The following TMEM132C variants were observed in gnomAD, a reference collection of about 807,000 sequenced individuals.
TMEM132C encodes protein phosphatase 1, regulatory subunit 152.
TMEM132C carries 29 observed loss-of-function variants against 61.4 expected under a neutral mutation model. The ratio of observed to expected loss-of-function variants is 0.47; its 90% CI spans 0.35 to 0.64. The LOEUF (loss-of-function observed/expected upper bound fraction) is 0.64. Ranked by LOEUF, TMEM132C falls within the 30% of genes least tolerant of loss-of-function variation. The pLI is 0.00. For missense variants in TMEM132C, 1,408 were observed against 1,476.9 expected (o/e 0.95, Z 0.76); for synonymous variants, 656 against 633.1 (o/e 1.04, Z -0.54).
At chr12:128,565,307 G>A (rs903433781) in intron 3 of TMEM132C, among the ~76,000 whole-genome samples, 3 of 152,162 alleles carry the variant, frequency 2.0e-5, no homozygotes, top group Non-Finnish European at 2.9e-5. Context: ...CCTACCACCT[G>A]GATTTCAGCC....
chr12:128,696,188 G>A, intron 7 of TMEM132C, 85 bp downstream of exon 7: 2 of 1,471,954 alleles, frequency 1.4e-6, no homozygotes, highest in Admixed American at 4.4e-5. Context: ...AGATCACTGT[G>A]GCCGATTCCC....
chr12:128,542,616 C>G, intron 2 of TMEM132C, among the ~76,000 whole-genome samples: 1 of 152,120 alleles, frequency 6.6e-6, no homozygotes, highest in Non-Finnish European at 1.5e-5. Flanking sequence ...AATCCCAGCA[C>G]TTTAGGAGGC....
At chr12:128,428,735 T>G (rs1869281240) in intron 2 of TMEM132C, among the ~76,000 whole-genome samples, 1 of 152,106 alleles carries the variant, frequency 6.6e-6, no homozygotes, top group Admixed American at 6.6e-5. Context: ...GGCTGTAAAT[T>G]CAGAGATGGA....
intron 2 of TMEM132C, among the ~76,000 whole-genome samples, chr12:128,526,340 C>T (rs1185269950): frequency 6.6e-6 from 1 of 152,118 alleles, no homozygotes; most frequent in Non-Finnish European, 1.5e-5. Context: ...GTGAAGGTAC[C>T]TTCCTGGTTT....
intron 2 of TMEM132C, among the ~76,000 whole-genome samples, chr12:128,506,420 G>A (rs1234143021): frequency 6.6e-6 from 1 of 152,220 alleles, no homozygotes. Context: ...GACCAAAGAT[G>A]TGGAGGAGTA....
chr12:128,502,668 A>G (rs1398991671), intron 2 of TMEM132C, among the ~76,000 whole-genome samples: 1 of 152,230 alleles, frequency 6.6e-6, no homozygotes, highest in Non-Finnish European at 1.5e-5. Flanking sequence ...ATAAGTGAAG[A>G]CATCGGCAAT....
chr12:128,489,029 T>C (rs922818553), intron 2 of TMEM132C, among the ~76,000 whole-genome samples: 1 of 152,162 alleles, frequency 6.6e-6, no homozygotes, highest in African/African-American at 2.4e-5. Context: ...CTGTTCCTCC[T>C]GGGGTGCTTT....
chr12:128,424,046 C>CATAAAGAAA (rs1869093161), intron 2 of TMEM132C, among the ~76,000 whole-genome samples: 1 of 72,782 alleles, frequency 1.4e-5, no homozygotes, highest in Non-Finnish European at 2.3e-5. Context: ...GACTCTGTCT[C>CATAAAGAAA]AAAAAAAAAA....
intron 3 of TMEM132C, among the ~76,000 whole-genome samples, chr12:128,599,617 A>G (rs780197502): frequency 6.6e-6 from 1 of 152,238 alleles, no homozygotes; most frequent in Non-Finnish European, 1.5e-5. Context: ...AGTGATACCC[A>G]TGCTCGCCAT....
At chr12:128,686,271 A>T (rs1954676270) in intron 5 of TMEM132C, among the ~76,000 whole-genome samples, 1 of 152,194 alleles carries the variant, frequency 6.6e-6, no homozygotes, top group South Asian at 2.1e-4. Context: ...TGCCAAGGCT[A>T]CACGTGGTGG....
In TMEM132C at chr12:128,560,937, G is replaced by A. The variant is rs201366363; in HGVS notation, c.1121+16834G>A. Among the ~76,000 whole-genome samples, 43 of 152,284 alleles carry A rather than the reference G, an allele frequency of 2.8e-4. 1 individual carries two copies. Among genetic ancestry groups the A allele is most frequent in the African/African-American group, 8.9e-4 (37 of 41,554 alleles). On this transcript the variant is annotated intron_variant, in intron 3 of 8. Coordinates refer to ENST00000435159, the MANE Select transcript of TMEM132C (RefSeq NM_001136103.3). ...TTGAATTAGAGCCTGTTGTCCCACCGTACAGATAAAGGAAGAGGCTCAGAC... is the reference window on the plus strand; with the variant it reads ...TTGAATTAGAGCCTGTTGTCCCACCATACAGATAAAGGAAGAGGCTCAGAC...
At chr12:128,413,288 G>T (rs1868629432) in intron 1 of TMEM132C, among the ~76,000 whole-genome samples, 1 of 92,604 alleles carries the variant, frequency 1.1e-5, no homozygotes, top group Admixed American at 1.9e-4. Flanking sequence ...GACAGAGCGA[G>T]ACTCTGTCTC....
chr12:128,687,928 C>G (rs1426427430), intron 5 of TMEM132C, among the ~76,000 whole-genome samples: 1 of 152,182 alleles, frequency 6.6e-6, no homozygotes, highest in African/African-American at 2.4e-5. Context: ...CCGGCTCACA[C>G]TGTTTTCCCT....
At chr12:128,589,345 A>C (rs1043545582) in intron 3 of TMEM132C, among the ~76,000 whole-genome samples, 3 of 151,966 alleles carry the variant, frequency 2.0e-5, no homozygotes, top group African/African-American at 7.3e-5. Context: ...TGCAGCCTGC[A>C]TCCCTCCGCC....
chr12:128,367,473 G>A (rs1873904767), intron 1 of TMEM132C, among the ~76,000 whole-genome samples: 1 of 152,212 alleles, frequency 6.6e-6, no homozygotes, highest in Admixed American at 6.5e-5. Flanking sequence ...GAAAACAATA[G>A]TGAGGTGTGC....
intron 4 of TMEM132C, among the ~76,000 whole-genome samples, chr12:128,663,180 CCTAT>C (rs1396446846): frequency 3.3e-5 from 5 of 152,136 alleles, no homozygotes; most frequent in African/African-American, 1.2e-4. Context: ...AACCATCATC[CCTAT>C]CTAATTTCAG....
chr12:128,392,068 C>G (rs1013241467), intron 1 of TMEM132C, among the ~76,000 whole-genome samples: 3 of 117,606 alleles, frequency 2.6e-5, no homozygotes, highest in Admixed American at 8.0e-5. Context: ...CTCTCTTTCT[C>G]TCTCTCTCTC....
At chr12:128,537,217 C>A (rs1173492962) in intron 2 of TMEM132C, among the ~76,000 whole-genome samples, 1 of 152,198 alleles carries the variant, frequency 6.6e-6, no homozygotes, top group Non-Finnish European at 1.5e-5. Flanking sequence ...AGTAGATGGC[C>A]AGAACCACTG....
intron 1 of TMEM132C, among the ~76,000 whole-genome samples, chr12:128,286,733 C>T (rs527326572): frequency 6.6e-6 from 1 of 152,110 alleles, no homozygotes; most frequent in Non-Finnish European, 1.5e-5. Flanking sequence ...GAGGCCAAAG[C>T]AGCAAGATCC....
Sources: gnomAD v4.1 joint callset for allele counts (sites outside exome capture counted in the v4.1 genomes callset) on GRCh38, gnomAD v4.1.1 for gene constraint, MANE v1.5 for transcripts, NCBI Gene and HGNC (gene_info 2026-07-23, HGNC 2026-07-21) for gene names.